Variants in ANKRD30A observed in about 807,000 individuals in gnomAD.
The protein encoded by ANKRD30A is ankyrin repeat domain-containing protein 30A.
ANKRD30A carries 170 observed loss-of-function variants against 166.3 expected under a neutral mutation model. The ratio of observed to expected loss-of-function variants is 1.02; its 90% CI spans 0.90 to 1.16. The LOEUF is 1.16. ANKRD30A is among the 50% of genes most tolerant of loss of function. ANKRD30A has a pLI of 0.00. For synonymous variants in ANKRD30A, 564 were observed against 508.9 expected (o/e 1.11, Z -1.46); for missense variants, 1,630 against 1,518.0 (o/e 1.07, Z -1.23).
At chr10:37,157,101 A>G (rs1301264910) in intron 13 of ANKRD30A, among the ~76,000 whole-genome samples, 1 of 152,208 alleles carries the variant, frequency 6.6e-6, no homozygotes, top group Non-Finnish European at 1.5e-5. Flanking sequence ...AACATGTTTG[A>G]TTAATATTAT....
At chr10:37,223,291 C>T (rs1022400480) in intron 34 of ANKRD30A, among the ~76,000 whole-genome samples, 2 of 150,456 alleles carry the variant, frequency 1.3e-5, no homozygotes, top group Non-Finnish European at 3.0e-5. Context: ...TACACTTTAT[C>T]TAAAGAAAAA....
chr10:37,183,159 A>G (rs1314771799), intron 24 of ANKRD30A, among the ~76,000 whole-genome samples: 2 of 149,436 alleles, frequency 1.3e-5, no homozygotes, highest in Non-Finnish European at 3.0e-5. Flanking sequence ...GTTAGAAATT[A>G]AAATGAAAAT....
the ANKRD30A span, among the ~76,000 whole-genome samples, chr10:37,238,551 A>G: frequency 2.0e-5 from 3 of 152,316 alleles, no homozygotes; most frequent in Non-Finnish European, 4.4e-5. Flanking sequence ...TACAGAGTTC[A>G]TATTTCTTCA....
intron 1 of ANKRD30A, among the ~76,000 whole-genome samples, chr10:37,129,555 T>C (rs540563237): frequency 2.0e-5 from 3 of 152,270 alleles, no homozygotes; most frequent in Admixed American, 2.0e-4. Context: ...TGATAACCTG[T>C]GAGATAACTG....
intron 18 of ANKRD30A, 103 bp downstream of exon 18, chr10:37,165,258 T>A (rs41314954): frequency 9.6e-7 from 1 of 1,046,920 alleles, no homozygotes. Context: ...TGTGTCACCC[T>A]CAAATTATTT....
intron 18 of ANKRD30A, among the ~76,000 whole-genome samples, chr10:37,166,154 C>G (rs976279740): frequency 2.0e-5 from 3 of 152,142 alleles, no homozygotes; most frequent in Non-Finnish European, 4.4e-5. Flanking sequence ...CTCATCATGA[C>G]ATGCATGATT....
chr10:37,212,222 A>G (rs937201800), intron 31 of ANKRD30A, among the ~76,000 whole-genome samples: 5 of 152,072 alleles, frequency 3.3e-5, no homozygotes, highest in African/African-American at 1.2e-4. Context: ...TTATACACCA[A>G]TAACAGACAA....
rs374753521 is a variant in ANKRD30A, at chr10:37,219,518, A to C, written c.3806A>C (p.Tyr1269Ser). The C allele has an allele frequency of 6.8e-6, 11 of 1,610,332 alleles. No individual in the cohort carries two copies. The African/African-American group carries it at 1.2e-4, about 18-fold the overall frequency. Reference protein sequence around the residue: ...KSKSLKINLNYAGDALRENTL... With the variant: ...KSKSLKINLNSAGDALRENTL... ...AAAAGCCTAAAAATTAATCTCAATT[A>C]TGCAGGAGATGCTCTAAGAGAAAAT... Residue 1269 changes from tyrosine to serine, a missense_variant, in exon 34 of 36, where the codon TAT (tyrosine) becomes TCT (serine). Coordinates refer to ENST00000361713, the MANE Select transcript of ANKRD30A (RefSeq NM_052997.3).
At chr10:37,221,233 C>A (rs1330202884) in intron 34 of ANKRD30A, among the ~76,000 whole-genome samples, 1 of 150,904 alleles carries the variant, frequency 6.6e-6, no homozygotes, top group East Asian at 2.0e-4. Flanking sequence ...AGAAAATAAG[C>A]TGAATCAATA....
At chr10:37,204,137 C>T (rs1222981660) in intron 31 of ANKRD30A, among the ~76,000 whole-genome samples, 3 of 152,098 alleles carry the variant, frequency 2.0e-5, no homozygotes, top group Non-Finnish European at 4.4e-5. Context: ...GGAAAAACTA[C>T]TTTAAAGTTC....
chr10:37,141,953 G>C lies in ANKRD30A; in HGVS notation c.1056G>C (p.Gln352His). 1 of 1,614,210 alleles carries C rather than the reference G, an allele frequency of 6.2e-7. No individual in the cohort carries two copies. ...LEKATSGKFE[Q>H]SAEETPREIT... Reference sequence around the variant, plus strand: ...AAGCGACATCTGGAAAGTTCGAACAGTCAGCAGAAGAAACACCTAGGGAAA... The same window carrying C: ...AAGCGACATCTGGAAAGTTCGAACACTCAGCAGAAGAAACACCTAGGGAAA... The change falls in exon 7 of 36, where the codon CAG becomes CAC. Residue 352 changes from glutamine to histidine, a missense_variant. By Grantham distance (24) the Gln-to-His change is conservative (BLOSUM62 0). This residue lies in a region of ANKRD30A where 904 missense variants were observed against 818.5 expected (regional missense o/e 1.10). Transcript: ENST00000361713.
intron 13 of ANKRD30A, among the ~76,000 whole-genome samples, chr10:37,157,379 C>T (rs1838464678): frequency 6.6e-6 from 1 of 152,030 alleles, no homozygotes. Flanking sequence ...GTAATACATC[C>T]ATATAAGATG....
chr10:37,194,150 G>C (rs1003647033), intron 27 of ANKRD30A, among the ~76,000 whole-genome samples: 8 of 151,970 alleles, frequency 5.3e-5, no homozygotes, highest in Non-Finnish European at 8.8e-5. Context: ...AGCCGAGCTT[G>C]TGCCACTTTA....
In ANKRD30A at chr10:37,197,288, C is replaced by T. The variant is rs574286090; in HGVS notation, c.2622C>T (p.Pro874=). 25 of 1,612,962 alleles carry T rather than the reference C, an allele frequency of 1.5e-5. No individual in the cohort carries two copies. Among genetic ancestry groups the T allele is most frequent in the East Asian group, 2.2e-5 (1 of 44,866 alleles). The change falls in exon 28 of 36, where the codon CCC becomes CCT. Residue 874 remains proline (P), a synonymous_variant. Transcript: ENST00000361713. ...ATCTCTTTTGCTTTTTAGAGCCTCC[C>T]GAGAAGCCATCTGCCTTCGAGGTAT... ...MDMQTFKAEP[P]EKPSAFEPAI...
chr10:37,125,685 G>A lies in ANKRD30A; in HGVS notation c.-103G>A. 1 of 503,424 alleles carries A rather than the reference G, an allele frequency of 2.0e-6. No individual in the cohort carries two copies. The highest frequency in any genetic ancestry group is 3.6e-6 in the Non-Finnish European group (1 of 276,470). 31.2% of individuals were successfully genotyped at this position (503,424 alleles called of 1,614,324 possible). A position where few individuals can be genotyped will look rare whatever the true frequency, so the allele number is the denominator to read the frequency against. The stretch of plus-strand genomic sequence containing the variant: ...AACTTTTTACGGGTATCGAGGCGGT[G>A]CGTGGACTGAAGAAGGGCGAGGGCG... On this transcript the variant is annotated 5_prime_UTR_variant, in exon 1 of 36. Coordinates refer to ENST00000361713, the MANE Select transcript of ANKRD30A (RefSeq NM_052997.3).
At chr10:37,258,977 A>AC in the ANKRD30A span, among the ~76,000 whole-genome samples, 1 of 151,130 alleles carries the variant, frequency 6.6e-6, no homozygotes, top group African/African-American at 2.4e-5. Context: ...AAAAAAAAAA[A>AC]AAAAAAAACA....
intron 24 of ANKRD30A, among the ~76,000 whole-genome samples, chr10:37,183,090 A>G (rs1302179100): frequency 6.7e-6 from 1 of 149,182 alleles, no homozygotes. Context: ...TCGACATTAA[A>G]TGGCAGCTGA....
In ANKRD30A at chr10:37,197,286, C is replaced by A; in HGVS notation, c.2620C>A (p.Pro874Thr). The stretch of plus-strand genomic sequence containing the variant: ...AAATCTCTTTTGCTTTTTAGAGCCT[C>A]CCGAGAAGCCATCTGCCTTCGAGGT... ...MDMQTFKAEP[P>T]EKPSAFEPAI... Residue 874 changes from proline (P) to threonine (T), a missense_variant, in exon 28 of 36, where the codon CCC becomes ACC. By Grantham distance (38) the Pro-to-Thr change is conservative. This residue lies in a region of ANKRD30A where 712 missense variants were observed against 629.3 expected (regional missense o/e 1.13). Coordinates refer to ENST00000361713, the MANE Select transcript of ANKRD30A (RefSeq NM_052997.3). 1 of 1,613,150 alleles carries A rather than the reference C, an allele frequency of 6.2e-7. No individual in the cohort carries two copies. The highest frequency in any genetic ancestry group is 8.5e-7 in the Non-Finnish European group (1 of 1,179,736).
chr10:37,194,467 A>C (rs1192684640), intron 27 of ANKRD30A, among the ~76,000 whole-genome samples: 1 of 151,520 alleles, frequency 6.6e-6, no homozygotes, highest in Non-Finnish European at 1.5e-5. Flanking sequence ...CAGCCTCCCG[A>C]GTAGCTGGGA....
Sources: allele counts gnomAD v4.1 joint callset (sites outside exome capture counted in the v4.1 genomes callset), GRCh38; gene constraint gnomAD v4.1.1; regional missense constraint gnomAD v4.1.1; transcripts MANE v1.5; gene names NCBI Gene and HGNC (gene_info 2026-07-23, HGNC 2026-07-21).